The following GAB4 variants were observed in gnomAD, a reference collection of about 807,000 sequenced individuals.
The protein encoded by GAB4 is GRB2-associated-binding protein 4.
A neutral mutation model predicts 51.3 loss-of-function variants in GAB4; 26 were observed. The observed-to-expected ratio is 0.51, with a 90% CI of 0.37 to 0.70. GAB4 has a LOEUF of 0.70. GAB4 is among the 30% of genes least tolerant of loss of function. The pLI is 0.00. For missense variants in GAB4, 759 were observed against 734.6 expected (o/e 1.03, Z -0.38); for synonymous variants, 329 against 291.2 (o/e 1.13, Z -1.32).
chr22:16,970,027 CT>C lies in GAB4; in HGVS notation c.852del (p.Gly285AlafsTer78), dbSNP rs747363257. 1.9e-6 allele frequency: 3 copies of C among 1,614,054 alleles called. No homozygotes were observed. The African/African-American group carries it at 4.0e-5, about 22-fold the overall frequency. On this transcript the variant is annotated frameshift_variant, in exon 4 of 10. Coordinates refer to ENST00000400588, the MANE Select transcript of GAB4 (RefSeq NM_001037814.1). LOFTEE classifies it high-confidence loss of function. ...SKPSQHNAEF[R>X]GSTHRIPWSL... is the part of the protein sequence containing the mutation. ...CTCCAGGGGATTCTGTGGGTGCTGC[CT>C]CTGAATTCTGCATTGTGCTGGCTGG...
intron 1 of GAB4, among the ~76,000 whole-genome samples, chr22:16,993,017 TC>T (rs2060925812): frequency 6.6e-6 from 1 of 152,188 alleles, no homozygotes; most frequent in South Asian, 2.1e-4. Flanking sequence ...TCTATCTTGT[TC>T]ACTGCTATAT....
chr22:16,985,026 C>T (rs1445825830), intron 3 of GAB4, among the ~76,000 whole-genome samples: 3 of 152,190 alleles, frequency 2.0e-5, no homozygotes, highest in Admixed American at 6.5e-5. Flanking sequence ...CACACCCTGC[C>T]TCCTTTCATT....
In GAB4 at chr22:16,994,836, C is replaced by T. The variant is rs572140196; in HGVS notation, c.175-2660G>A. Among the ~76,000 whole-genome samples, 7 of 152,282 alleles carry T rather than the reference C, an allele frequency of 4.6e-5. No homozygotes were observed. The South Asian group carries it at 6.2e-4, about 14-fold the overall frequency. On this transcript the variant is annotated intron_variant, in intron 1 of 9. Coordinates refer to ENST00000400588, the MANE Select transcript of GAB4 (RefSeq NM_001037814.1). ...GGTACAACACTGCATAAAAGTCATA[C>T]GCACAGACATCCTTGCTTTGTTCAT... is the stretch of plus-strand genomic sequence containing the variant.
At position 16,970,174 on chromosome 22, in the gene GAB4, C is replaced by T; in HGVS notation, c.706G>A (p.Gly236Ser). 6.2e-7 allele frequency: 1 copy of T among 1,614,050 alleles called. No homozygotes were observed. Among genetic ancestry groups the T allele is most frequent in the Non-Finnish European group, 8.5e-7 (1 of 1,179,998 alleles). ...EHARSASFSQ[G>S]SEAPFIMRRN... The stretch of plus-strand genomic sequence containing the variant: ...CTCATGATGAATGGGGCCTCAGAAC[C>T]CTGGGAGAAGCTGGCACTCCTAAGA... The change falls in exon 4 of 10, where the codon GGT (glycine) becomes AGT (serine). Residue 236 changes from glycine to serine, a missense_variant. Gly to Ser is a moderately conservative substitution (Grantham distance 56). Coordinates refer to ENST00000400588, the MANE Select transcript of GAB4 (RefSeq NM_001037814.1).
rs4819544 is a variant in GAB4, at chr22:16,973,066, G to A, written c.687-2873C>T. On this transcript the variant is annotated intron_variant, in intron 3 of 9. Coordinates refer to ENST00000400588, the MANE Select transcript of GAB4 (RefSeq NM_001037814.1). ...ATGGCTTCTGAGGTCCCTCTGGCAAGCTCCTACTCCACTTATCCTTCAAAT... is the reference window on the plus strand; with the variant it reads ...ATGGCTTCTGAGGTCCCTCTGGCAAACTCCTACTCCACTTATCCTTCAAAT... 5.3e-3 allele frequency among the ~76,000 whole-genome samples: 800 copies of A among 152,228 alleles called. 15 individuals are homozygous for A. Among genetic ancestry groups the A allele is most frequent in the East Asian group, 0.048 (248 of 5,170 alleles).
In GAB4 at chr22:16,981,413, C is replaced by T. The variant is rs191535954; in HGVS notation, c.686+6547G>A. Among the ~76,000 whole-genome samples, 20 of 151,676 alleles carry T rather than the reference C, an allele frequency of 1.3e-4. No homozygotes were observed. In the East Asian group the frequency reaches 3.1e-3, roughly 23 times the overall value. On this transcript the variant is annotated intron_variant, in intron 3 of 9. Transcript: ENST00000400588. ...CTAGATTAACAAAAAATGAGTCAAG[C>T]CTTAAATAAAATCAGAGCCAAAAAA...
intron 2 of GAB4, among the ~76,000 whole-genome samples, chr22:16,990,460 G>C (rs922622363): frequency 5.3e-5 from 8 of 152,200 alleles, no homozygotes; most frequent in African/African-American, 1.9e-4. Context: ...GACAGTCACT[G>C]CTCCTCATTG....
intron 1 of GAB4, among the ~76,000 whole-genome samples, chr22:16,992,635 T>A (rs1404838004): frequency 1.3e-5 from 2 of 152,214 alleles, no homozygotes; most frequent in Non-Finnish European, 2.9e-5. Context: ...CAACTTTTAG[T>A]AAAATGTGCT....
chr22:16,995,006 T>C (rs1271005007), intron 1 of GAB4, among the ~76,000 whole-genome samples: 3 of 152,248 alleles, frequency 2.0e-5, no homozygotes, highest in African/African-American at 7.2e-5. Context: ...GTGATTTTTC[T>C]TCTTTATTCT....
In GAB4 at chr22:16,999,357, G is replaced by A. The variant is rs534132232; in HGVS notation, c.175-7181C>T. On this transcript the variant is annotated intron_variant, in intron 1 of 9. Transcript: ENST00000400588. ...TATTCAGGGATTCAACTTCTTCCTG[G>A]TTTAGTCTTGGGAGGGTGCATGTGT... 5.3e-5 allele frequency among the ~76,000 whole-genome samples: 8 copies of A among 152,222 alleles called. No individual in the cohort carries two copies. In the South Asian group the frequency reaches 1.7e-3, roughly 32 times the overall value.
chr22:16,967,463 C>T (rs1039581050), intron 5 of GAB4: 1 of 152,390 alleles, frequency 6.6e-6, no homozygotes, highest in Non-Finnish European at 1.5e-5. Context: ...AGGCAAGGAT[C>T]ACATCAGATG....
At chr22:17,006,235 G>T (rs1325678894) in intron 1 of GAB4, among the ~76,000 whole-genome samples, 1 of 152,188 alleles carries the variant, frequency 6.6e-6, no homozygotes, top group Non-Finnish European at 1.5e-5. Context: ...CTTAACAGAA[G>T]AAGATATTTA....
At chr22:16,979,584 C>T (rs1308665673) in intron 3 of GAB4, among the ~76,000 whole-genome samples, 1 of 152,180 alleles carries the variant, frequency 6.6e-6, no homozygotes, top group East Asian at 1.9e-4. Context: ...GTGAAAATGG[C>T]CATACTGCCC....
intron 3 of GAB4, among the ~76,000 whole-genome samples, chr22:16,972,233 A>T (rs751604257): frequency 7.9e-5 from 12 of 152,200 alleles, no homozygotes; most frequent in Admixed American, 5.2e-4. Context: ...ACACCACCAC[A>T]ATCAGGTGGG....
In GAB4 at chr22:17,007,984, C is replaced by T. The variant is rs1464842908; in HGVS notation, c.131G>A (p.Gly44Asp). 4 of 1,609,234 alleles carry T rather than the reference C, an allele frequency of 2.5e-6. No individual in the cohort carries two copies. The Admixed American group carries it at 5.0e-5, about 20-fold the overall frequency. Residue 44 changes from glycine to aspartate, a missense_variant, in exon 1 of 10, where the codon GGC becomes GAC. By Grantham distance (94) the Gly-to-Asp change is moderately conservative. This residue lies in a region of GAB4 where 83 missense variants were observed against 73.1 expected (regional missense o/e 1.14). Coordinates refer to ENST00000400588, the MANE Select transcript of GAB4 (RefSeq NM_001037814.1). ...CTCGGGGGGCGACTTCCTCAGCCAGCCGCTGTACAGCACGTGGCCACTTCT... is the reference window on the plus strand; with the variant it reads ...CTCGGGGGGCGACTTCCTCAGCCAGTCGCTGTACAGCACGTGGCCACTTCT... ...STRSGHVLYSGWLRKSPPEKK... is the reference protein window; with the variant it reads ...STRSGHVLYSDWLRKSPPEKK...
At position 16,965,180 on chromosome 22, in the gene GAB4, GGT is replaced by G. The variant is rs1382259639; in HGVS notation, c.1375_1376del (p.Thr459GlnfsTer5). The G allele has an allele frequency of 1.2e-6, 2 of 1,610,326 alleles. No individual in the cohort carries two copies. Among genetic ancestry groups the G allele is most frequent in the African/African-American group, 2.7e-5 (2 of 74,816 alleles). On this transcript the variant is annotated frameshift_variant, in exon 7 of 10. Coordinates refer to ENST00000400588, the MANE Select transcript of GAB4 (RefSeq NM_001037814.1). LOFTEE classifies it high-confidence loss of function. Reference protein sequence around the residue: ...KPPVTEPWSGTSHTFDSSSSQ... With the variant: ...KPPVTEPWSGXSHTFDSSSSQ... Reference sequence around the variant, plus strand: ...TGTTTCCACTGACAGACACTCACCTGGTCCCAGACCAGGGCTCTGTGACAGGT... The same window carrying G: ...TGTTTCCACTGACAGACACTCACCTGCCCAGACCAGGGCTCTGTGACAGGT...
Position 16,965,230 on chromosome 22 carries a change from T to C in GAB4, c.1327A>G (p.Ile443Val), listed in dbSNP as rs776160873. The C allele has an allele frequency of 9.3e-6, 15 of 1,614,110 alleles. No homozygotes were observed. Among genetic ancestry groups the C allele is most frequent in the Non-Finnish European group, 1.2e-5 (14 of 1,179,990 alleles). Residue 443 changes from isoleucine (I) to valine (V), a missense_variant, in exon 7 of 10, where the codon ATC (isoleucine) becomes GTC (valine). By Grantham distance (29) the Ile-to-Val change is conservative. Transcript: ENST00000400588. The part of the protein sequence containing the change: ...TPPNLRNNRV[I>V]NELSFKPPVT... ...GGTGGCTTGAAGGAGAGCTCATTGA[T>C]GACCCTGTTGTTTCTCAGGTTGGGC...
At chr22:16,995,593 G>C (rs1235577002) in intron 1 of GAB4, among the ~76,000 whole-genome samples, 1 of 152,180 alleles carries the variant, frequency 6.6e-6, no homozygotes, top group Non-Finnish European at 1.5e-5. Context: ...TGCCCCTCTG[G>C]GATGACGCTT....
chr22:16,983,522 C>G (rs2060843371), intron 3 of GAB4, among the ~76,000 whole-genome samples: 1 of 152,194 alleles, frequency 6.6e-6, no homozygotes, highest in Non-Finnish European at 1.5e-5. Flanking sequence ...AAGAACAAAA[C>G]TGGAGGACTC....
Sources: allele counts gnomAD v4.1 joint callset (sites outside exome capture counted in the v4.1 genomes callset), GRCh38; gene constraint gnomAD v4.1.1; regional missense constraint gnomAD v4.1.1; transcripts MANE v1.5; gene names NCBI Gene and HGNC (gene_info 2026-07-23, HGNC 2026-07-21).